Variants in ABCA9 observed in about 807,000 individuals in gnomAD.
The protein encoded by ABCA9 is ATP-binding cassette sub-family A member 9.
In ABCA9, 183 loss-of-function variants were observed where a neutral mutation model predicts 205.3. The ratio of observed to expected loss-of-function variants is 0.89; its 90% CI spans 0.79 to 1.01. The LOEUF (loss-of-function observed/expected upper bound fraction) is 1.01. Ranked by LOEUF, ABCA9 falls within the 50% of genes least tolerant of loss-of-function variation. ABCA9 has a pLI of 0.00. For synonymous variants in ABCA9, 651 were observed against 683.3 expected, an observed-to-expected ratio of 0.95 and a Z score of 0.74; for missense variants, 1,805 against 1,912.4, an observed-to-expected ratio of 0.94 and a Z score of 1.05.
At chr17:69,036,687 C>A (rs1470629833) in intron 6 of ABCA9, among the ~76,000 whole-genome samples, 1 of 151,658 alleles carries the variant, frequency 6.6e-6, no homozygotes, top group Admixed American at 6.6e-5. Context: ...ACAATATTAA[C>A]CTTAAATGTA....
the ABCA9 span, among the ~76,000 whole-genome samples, chr17:69,072,635 CAA>C: frequency 1.6e-4 from 23 of 140,492 alleles, no homozygotes; most frequent in Middle Eastern, 3.6e-3. Context: ...CCAGCCACTG[CAA>C]AAAAAAAAAA....
In ABCA9 at chr17:69,026,468, C is replaced by G; in HGVS notation, c.2051-1G>C. The G allele has an allele frequency of 6.2e-7, 1 of 1,610,872 alleles. No individual in the cohort carries two copies. The highest frequency in any genetic ancestry group is 8.5e-7 in the Non-Finnish European group (1 of 1,177,564). On this transcript the variant is annotated splice_acceptor_variant, in intron 15 of 38. Coordinates refer to ENST00000340001, the MANE Select transcript of ABCA9 (RefSeq NM_080283.4). LOFTEE classifies it high-confidence loss of function. ...CCATTGGATATGAACACCTTCCTGT[C>G]TAGTTAGAAATAATCAAAAGATAAG...
At chr17:69,038,440 C>T (rs2071418190) in intron 6 of ABCA9, among the ~76,000 whole-genome samples, 1 of 152,138 alleles carries the variant, frequency 6.6e-6, no homozygotes, top group African/African-American at 2.4e-5. Context: ...TGTAATCCAT[C>T]ATATAAACAG....
chr17:69,078,477 G>A, the ABCA9 span, among the ~76,000 whole-genome samples: 16 of 152,182 alleles, frequency 1.1e-4, no homozygotes, highest in South Asian at 1.0e-3. Flanking sequence ...GATTACAGGC[G>A]TGAGCCACTG....
chr17:69,017,998 A>C, intron 20 of ABCA9: 1 of 501,324 alleles, frequency 2.0e-6, no homozygotes, highest in Non-Finnish European at 3.5e-6. Context: ...TAGGCATTTC[A>C]TTATAATTTC....
upstream of ABCA9, among the ~76,000 whole-genome samples, chr17:69,064,518 A>G (rs190101895): frequency 5.7e-4 from 87 of 152,322 alleles, 1 homozygote; most frequent in African/African-American, 1.7e-3. Context: ...TGGAGCCCCA[A>G]TGATTTACCC....
chr17:68,999,224 C>T (rs1160947989), intron 25 of ABCA9, among the ~76,000 whole-genome samples: 1 of 145,266 alleles, frequency 6.9e-6, no homozygotes, highest in African/African-American at 2.5e-5. Flanking sequence ...GTGCTGCACC[C>T]ACTAACTCGT....
chr17:68,996,711 A>G (rs1228092448), intron 25 of ABCA9, among the ~76,000 whole-genome samples: 1 of 152,216 alleles, frequency 6.6e-6, no homozygotes, highest in Non-Finnish European at 1.5e-5. Context: ...TTTATTGCTG[A>G]TATTAAGTAA....
chr17:69,026,373 G>T lies in ABCA9; in HGVS notation c.2141+4C>A. 1 of 1,611,278 alleles carries T rather than the reference G, an allele frequency of 6.2e-7. No individual in the cohort carries two copies. Among genetic ancestry groups the T allele is most frequent in the Non-Finnish European group, 8.5e-7 (1 of 1,177,762 alleles). On this transcript the variant is annotated splice_donor_region_variant and intron_variant, in intron 16 of 38. Coordinates refer to ENST00000340001, the MANE Select transcript of ABCA9 (RefSeq NM_080283.4). ...CAACACGTCTCCAACATTCAGGGCTGTACCTTAAATGGTAGCCTATGCCCC... is the reference window on the plus strand; with the variant it reads ...CAACACGTCTCCAACATTCAGGGCTTTACCTTAAATGGTAGCCTATGCCCC...
At chr17:69,047,196 A>G (rs543167525) in intron 3 of ABCA9, among the ~76,000 whole-genome samples, 1 of 151,202 alleles carries the variant, frequency 6.6e-6, no homozygotes, top group East Asian at 2.0e-4. Context: ...ACCTAAGATG[A>G]TCCGCCCACC....
At chr17:69,025,170 G>T (rs2070939732) in intron 16 of ABCA9, among the ~76,000 whole-genome samples, 1 of 152,106 alleles carries the variant, frequency 6.6e-6, no homozygotes, top group African/African-American at 2.4e-5. Flanking sequence ...AGATGTGAGG[G>T]AGAAGGAAGT....
chr17:69,059,939 A>C (rs1029961772), intron 1 of ABCA9, among the ~76,000 whole-genome samples: 3 of 152,180 alleles, frequency 2.0e-5, no homozygotes, highest in Non-Finnish European at 4.4e-5. Context: ...CCTGCCTGAA[A>C]CCAAACTGCA....
intron 37 of ABCA9, among the ~76,000 whole-genome samples, chr17:68,980,867 A>G (rs2069030249): frequency 6.6e-6 from 1 of 152,004 alleles, no homozygotes; most frequent in Non-Finnish European, 1.5e-5. Context: ...ATACATATGT[A>G]ACTAACCTGC....
intron 31 of ABCA9, among the ~76,000 whole-genome samples, chr17:68,987,356 CATAAAAT>C (rs1207501162): frequency 1.3e-5 from 2 of 152,124 alleles, no homozygotes; most frequent in African/African-American, 2.4e-5. Context: ...GAGAAAGAAA[CATAAAAT>C]ATAAGTAGTA....
chr17:69,076,785 A>G, the ABCA9 span, among the ~76,000 whole-genome samples: 3 of 152,124 alleles, frequency 2.0e-5, no homozygotes, highest in East Asian at 5.8e-4. Context: ...TAGATTTTCT[A>G]GTTTGTGTGC....
intron 32 of ABCA9, 59 bp downstream of exon 32, chr17:68,986,105 G>A: frequency 2.7e-6 from 4 of 1,501,794 alleles, no homozygotes; most frequent in Non-Finnish European, 8.9e-7. Context: ...CATTTTGTGT[G>A]TATGTTATTA....
At chr17:69,017,385 T>C (rs2070657081) in intron 21 of ABCA9, among the ~76,000 whole-genome samples, 1 of 152,120 alleles carries the variant, frequency 6.6e-6, no homozygotes, top group Non-Finnish European at 1.5e-5. Context: ...AATTTAATTA[T>C]TGGAATGGAA....
intron 34 of ABCA9, 148 bp from the exon 35 acceptor site, chr17:68,984,323 G>T (rs2069161659): frequency 1.0e-6 from 1 of 984,950 alleles, no homozygotes; most frequent in Non-Finnish European, 1.5e-6. Context: ...TGACAGGCAC[G>T]GAAACCAAAC....
intron 10 of ABCA9, among the ~76,000 whole-genome samples, chr17:69,031,340 C>T (rs2071141991): frequency 6.6e-6 from 1 of 152,074 alleles, no homozygotes; most frequent in African/African-American, 2.4e-5. Context: ...TTTACATGCT[C>T]ATAAGGAATG....
Sources: gnomAD v4.1 joint callset for allele counts (sites outside exome capture counted in the v4.1 genomes callset) on GRCh38, gnomAD v4.1.1 for gene constraint, MANE v1.5 for transcripts, NCBI Gene and HGNC (gene_info 2026-07-23, HGNC 2026-07-21) for gene names.